MGAT4C: variants seen among roughly 807,000 people sequenced by gnomAD.
The protein encoded by MGAT4C is alpha-1,3-mannosyl-glycoprotein 4-beta-N-acetylglucosaminyltransferase C.
MGAT4C carries 19 observed loss-of-function variants against 40.1 expected under a neutral mutation model. The ratio of observed to expected loss-of-function variants is 0.47; its 90% CI spans 0.33 to 0.70. MGAT4C has a LOEUF of 0.70. MGAT4C is among the 30% of genes least tolerant of loss of function. The probability of loss-of-function intolerance (pLI) is 0.02; values close to 1 mark genes in which losing one functional copy is unlikely to be tolerated. For synonymous variants in MGAT4C, 181 were observed against 187.1 expected (o/e 0.97, Z 0.27); for missense variants, 491 against 563.2 (o/e 0.87, Z 1.30).
intron 2 of MGAT4C, among the ~76,000 whole-genome samples, chr12:86,507,485 T>A (rs1958490863): frequency 6.6e-6 from 1 of 152,156 alleles, no homozygotes; most frequent in Non-Finnish European, 1.5e-5. Flanking sequence ...TTAAATAAGA[T>A]GAGTGTTTGG....
intron 1 of MGAT4C, among the ~76,000 whole-genome samples, chr12:86,826,495 A>G (rs1433349194): frequency 6.6e-6 from 1 of 151,536 alleles, no homozygotes; most frequent in Non-Finnish European, 1.5e-5. Flanking sequence ...GTATTAATTG[A>G]TATGTCCATG....
intron 4 of MGAT4C, among the ~76,000 whole-genome samples, chr12:86,320,005 G>A (rs1289296144): frequency 6.6e-6 from 1 of 152,050 alleles, no homozygotes. Context: ...GGTTCTTATT[G>A]TTTTTCTTTT....
intron 4 of MGAT4C, among the ~76,000 whole-genome samples, chr12:86,295,941 C>T (rs1449941903): frequency 1.4e-5 from 2 of 144,006 alleles, no homozygotes; most frequent in East Asian, 2.1e-4. Flanking sequence ...GACATAAAGA[C>T]TCTCCAAGGC....
intron 2 of MGAT4C, among the ~76,000 whole-genome samples, chr12:86,530,168 CGTT>C (rs1404568465): frequency 1.3e-5 from 2 of 151,866 alleles, no homozygotes; most frequent in Admixed American, 6.6e-5. Flanking sequence ...TAGGACTGGT[CGTT>C]GTTATGCAAT....
intron 3 of MGAT4C, among the ~76,000 whole-genome samples, chr12:86,342,076 G>A (rs377043603): frequency 1.3e-5 from 2 of 151,924 alleles, no homozygotes; most frequent in East Asian, 1.9e-4. Flanking sequence ...TCTCAACTGG[G>A]GTCTCCAGCC....
chr12:86,490,053 G>T (rs977071770), intron 2 of MGAT4C, among the ~76,000 whole-genome samples: 2 of 152,026 alleles, frequency 1.3e-5, no homozygotes, highest in African/African-American at 4.8e-5. Flanking sequence ...CCAACACTCA[G>T]ATTCAGGAAA....
chr12:86,176,985 A>C (rs839099), intron 1 of MGAT4C, among the ~76,000 whole-genome samples: 134,110 of 151,198 alleles, frequency 0.89, 59,722 homozygotes, highest in East Asian at 1. Context: ...AAAGAGATAA[A>C]AGTAAACAGT....
intron 2 of MGAT4C, among the ~76,000 whole-genome samples, chr12:86,502,710 CAT>C (rs1198376644): frequency 3.4e-4 from 49 of 144,870 alleles, no homozygotes; most frequent in Admixed American, 2.1e-3. Flanking sequence ...GAGATCTGCT[CAT>C]ATATATATAC....
intron 2 of MGAT4C, among the ~76,000 whole-genome samples, chr12:86,522,702 A>G (rs1958816137): frequency 6.6e-6 from 1 of 152,120 alleles, no homozygotes; most frequent in Non-Finnish European, 1.5e-5. Flanking sequence ...ATCTGGTAAA[A>G]TTCAGTAGTG....
intron 2 of MGAT4C, among the ~76,000 whole-genome samples, chr12:86,506,090 T>C (rs1367821783): frequency 1.3e-5 from 2 of 152,176 alleles, no homozygotes; most frequent in African/African-American, 4.8e-5. Context: ...GGATCATGTA[T>C]CCAGTGAAAG....
intron 1 of MGAT4C, among the ~76,000 whole-genome samples, chr12:86,153,330 A>T (rs1884527897): frequency 6.6e-6 from 1 of 152,260 alleles, no homozygotes; most frequent in Admixed American, 6.5e-5. Flanking sequence ...ACAACAAAGT[A>T]AAATATTTAA....
In MGAT4C at chr12:86,469,222, T is replaced by C. The variant is rs372885161; in HGVS notation, c.-228-33957A>G. ...CCTGTGTTAGGCAACTTCTAGAGGG[T>C]TTCAATGATCCCTGCTTTCTGATAT... On this transcript the variant is annotated intron_variant, in intron 2 of 7. Coordinates refer to the MGAT4C transcript ENST00000548651. Among the ~76,000 whole-genome samples, 220 of 152,186 alleles carry C rather than the reference T, an allele frequency of 1.4e-3. 1 individual carries two copies. Among genetic ancestry groups the C allele is most frequent in the African/African-American group, 5.0e-3 (207 of 41,556 alleles).
At chr12:86,252,010 T>A (rs992013507) in intron 1 of MGAT4C, among the ~76,000 whole-genome samples, 2 of 152,070 alleles carry the variant, frequency 1.3e-5, no homozygotes, top group African/African-American at 4.8e-5. Context: ...CCCAGTACCT[T>A]TAGTGCTATT....
intron 4 of MGAT4C, among the ~76,000 whole-genome samples, chr12:86,278,341 G>A (rs1953129965): frequency 6.6e-6 from 1 of 151,810 alleles, no homozygotes; most frequent in South Asian, 2.1e-4. Flanking sequence ...ACCACACCCA[G>A]CTAATTTTTG....
chr12:86,212,717 T>G, intron 1 of MGAT4C, among the ~76,000 whole-genome samples: 1 of 99,038 alleles, frequency 1.0e-5, no homozygotes, highest in Non-Finnish European at 2.1e-5. Context: ...TGAAACCCCG[T>G]CTCTACTAAA....
At chr12:86,156,902 AT>A (rs532646577) in intron 1 of MGAT4C, among the ~76,000 whole-genome samples, 3 of 152,074 alleles carry the variant, frequency 2.0e-5, no homozygotes, top group South Asian at 2.1e-4. Flanking sequence ...AAATAGCTTA[AT>A]TTTTTTTAAA....
intron 3 of MGAT4C, among the ~76,000 whole-genome samples, chr12:86,398,550 A>G (rs1350532056): frequency 1.3e-5 from 2 of 151,916 alleles, no homozygotes; most frequent in African/African-American, 2.4e-5. Flanking sequence ...TGGTATATAT[A>G]TTCTTGTCCA....
chr12:86,795,523 T>G (rs1593214876), intron 1 of MGAT4C, among the ~76,000 whole-genome samples: 2 of 151,866 alleles, frequency 1.3e-5, no homozygotes, highest in Non-Finnish European at 2.9e-5. Context: ...CTTTGTTCAT[T>G]TATTTATATG....
intron 1 of MGAT4C, among the ~76,000 whole-genome samples, chr12:86,249,167 T>C (rs1223854788): frequency 6.6e-6 from 1 of 152,178 alleles, no homozygotes; most frequent in African/African-American, 2.4e-5. Flanking sequence ...CATTTTGTCA[T>C]TCAGCATCAT....
Sources: gnomAD v4.1 joint callset for allele counts (sites outside exome capture counted in the v4.1 genomes callset) on GRCh38, gnomAD v4.1.1 for gene constraint, MANE v1.5 for transcripts, NCBI Gene and HGNC (gene_info 2026-07-23, HGNC 2026-07-21) for gene names.